MYO5A: variants seen among roughly 807,000 people sequenced by gnomAD.
MYO5A encodes the protein unconventional myosin-Va.
A neutral mutation model predicts 249.7 loss-of-function variants in MYO5A; 98 were observed. The observed-to-expected ratio is 0.39, with a 90% CI of 0.33 to 0.46. The LOEUF (loss-of-function observed/expected upper bound fraction) is 0.46, where lower values mean the gene tolerates loss of function less well. MYO5A is among the 20% of genes least tolerant of loss of function. The pLI is 0.98. For missense variants in MYO5A, 1,696 were observed against 2,308.8 expected (o/e 0.73, Z 5.44); for synonymous variants, 778 against 810.6 (o/e 0.96, Z 0.68).
chr15:52,331,928 C>T, intron 34 of MYO5A: 1 of 899,900 alleles, frequency 1.1e-6, no homozygotes, highest in Non-Finnish European at 1.3e-6. Context: ...GTATGAAAGC[C>T]ACGGGACTAA....
chr15:52,515,268 C>A (rs933661581), intron 1 of MYO5A, among the ~76,000 whole-genome samples: 3 of 142,102 alleles, frequency 2.1e-5, no homozygotes, highest in African/African-American at 7.6e-5. Flanking sequence ...CAGAGCAAGA[C>A]CCTGTCTCAA....
chr15:52,329,599 C>G (rs1306356799), intron 35 of MYO5A, among the ~76,000 whole-genome samples: 1 of 151,838 alleles, frequency 6.6e-6, no homozygotes, highest in South Asian at 2.1e-4. Context: ...TTTTTTGTTT[C>G]TTCCCTATTA....
chr15:52,460,221 C>T (rs986649979), intron 1 of MYO5A, among the ~76,000 whole-genome samples: 1 of 151,954 alleles, frequency 6.6e-6, no homozygotes, highest in African/African-American at 2.4e-5. Context: ...CAGGCCGAGA[C>T]GCTCCTCACT....
Position 52,311,319 on chromosome 15 carries a change from T to A in MYO5A, c.*2377A>T, listed in dbSNP as rs138744827. On this transcript the variant is annotated 3_prime_UTR_variant, in exon 42 of 42. Transcript: ENST00000399233. ...GCTGAGGCGGACAGCCTGTACCACG[T>A]TGCATTTTCTTAGCAACTCCCCAAC... 1 of 152,188 alleles carries A rather than the reference T, an allele frequency of 6.6e-6. No individual in the cohort carries two copies. Among genetic ancestry groups the A allele is most frequent in the Non-Finnish European group, 1.5e-5 (1 of 68,038 alleles). 9.4% of individuals were successfully genotyped at this position (152,188 alleles called of 1,614,324 possible). A position where few individuals can be genotyped will look rare whatever the true frequency, so the allele number is the denominator to read the frequency against.
chr15:52,406,513 C>T (rs570368844), intron 8 of MYO5A, among the ~76,000 whole-genome samples: 3 of 152,202 alleles, frequency 2.0e-5, no homozygotes, highest in Non-Finnish European at 4.4e-5. Context: ...TGAGATTCTG[C>T]ATTTCTAGCA....
intron 28 of MYO5A, 134 bp downstream of exon 28, chr15:52,351,120 T>TA (rs2039927576): frequency 4.9e-6 from 4 of 809,024 alleles, no homozygotes; most frequent in East Asian, 2.7e-5. Flanking sequence ...GGGATTTTTT[T>TA]AAAAAAATAA....
At chr15:52,426,553 C>T (rs1167305579) in intron 3 of MYO5A, among the ~76,000 whole-genome samples, 1 of 152,164 alleles carries the variant, frequency 6.6e-6, no homozygotes, top group African/African-American at 2.4e-5. Flanking sequence ...GCCTAGACCT[C>T]CCAGGCTTAC....
At chr15:52,437,531 G>T (rs1289869274) in intron 1 of MYO5A, among the ~76,000 whole-genome samples, 1 of 147,678 alleles carries the variant, frequency 6.8e-6, no homozygotes, top group Non-Finnish European at 1.5e-5. Context: ...GGAGGTGGAG[G>T]TTGCAGTGAG....
intron 27 of MYO5A, 62 bp from the exon 28 acceptor site, chr15:52,351,543 A>C: frequency 6.8e-7 from 1 of 1,462,788 alleles, no homozygotes; most frequent in South Asian, 1.1e-5. Context: ...TGGATGCTCA[A>C]ACTTCTCCCA....
chr15:52,526,664 TA>T (rs2141679667), intron 1 of MYO5A, among the ~76,000 whole-genome samples: 1 of 152,326 alleles, frequency 6.6e-6, no homozygotes, highest in African/African-American at 2.4e-5. Context: ...CCTAACTTTT[TA>T]ATTTTTTTGT....
rs1176485040 is a variant in MYO5A at position 52,312,518 on chromosome 15, C to T, written c.*1178G>A. The T allele has an allele frequency of 2.0e-5, 3 of 152,170 alleles. No individual in the cohort carries two copies. The highest frequency in any genetic ancestry group is 6.6e-5 in the Admixed American group (1 of 15,264). The allele number at this position is 152,170 out of a possible 1,614,324, so 9.4% of individuals were successfully genotyped here. On this transcript the variant is annotated 3_prime_UTR_variant, in exon 42 of 42. Transcript: ENST00000399233. ...GATTACAGGCAAGTGCCACCACGCC[C>T]GGCTAATTTTTGTATTTTTAGTAGA...
At chr15:52,430,372 G>A (rs1034453845) in intron 2 of MYO5A, among the ~76,000 whole-genome samples, 2 of 152,182 alleles carry the variant, frequency 1.3e-5, no homozygotes, top group African/African-American at 4.8e-5. Flanking sequence ...TGAAATATTA[G>A]AGAAGACACT....
intron 26 of MYO5A, 102 bp from the exon 27 acceptor site, chr15:52,353,760 C>A (rs555547537): frequency 6.3e-7 from 1 of 1,598,532 alleles, no homozygotes; most frequent in Non-Finnish European, 8.5e-7. Flanking sequence ...GCCCTCACTA[C>A]TTTAACCAAG....
chr15:52,434,082 C>T (rs906646905), intron 1 of MYO5A, among the ~76,000 whole-genome samples: 1 of 151,408 alleles, frequency 6.6e-6, no homozygotes. Flanking sequence ...TCACTGCCAC[C>T]TCTGCCTCCC....
intron 38 of MYO5A, 122 bp from the exon 39 acceptor site, chr15:52,319,464 A>C: frequency 3.5e-5 from 39 of 1,113,200 alleles, no homozygotes; most frequent in Non-Finnish European, 5.0e-5. Context: ...ACGGTGGCTC[A>C]CATCTGTAAT....
At chr15:52,453,724 T>A (rs896743091) in intron 1 of MYO5A, among the ~76,000 whole-genome samples, 1 of 151,974 alleles carries the variant, frequency 6.6e-6, no homozygotes, top group East Asian at 1.9e-4. Context: ...ATTATAGAGG[T>A]TTTTTTTAAA....
chr15:52,375,362 G>A lies in MYO5A; in HGVS notation c.2519C>T (p.Ala840Val), dbSNP rs778874967. 6.2e-7 allele frequency: 1 copy of A among 1,614,098 alleles called. No homozygotes were observed. Among genetic ancestry groups the A allele is most frequent in the Non-Finnish European group, 8.5e-7 (1 of 1,179,960 alleles). ...VRRRYKIRRA[A>V]TIVLQSYLRG... ...CAAGTAAGACTGAAGAACGATAGTG[G>A]CAGCTCGTCTAATCTTGTACCTCCT... Residue 840 changes from alanine to valine, a missense_variant, in exon 20 of 42, where the codon GCC (alanine) becomes GTC (valine). Transcript: ENST00000399233.
chr15:52,350,317 T>C (rs1044620393), intron 28 of MYO5A, among the ~76,000 whole-genome samples: 8 of 152,218 alleles, frequency 5.3e-5, no homozygotes, highest in South Asian at 2.1e-4. Context: ...TAGTCAAACA[T>C]CTTGTTTTTA....
At chr15:52,492,676 A>T (rs1330683445) in intron 1 of MYO5A, among the ~76,000 whole-genome samples, 1 of 152,212 alleles carries the variant, frequency 6.6e-6, no homozygotes, top group African/African-American at 2.4e-5. Context: ...AAGGACAGCA[A>T]TCAGGCCTGC....
Sources: gnomAD v4.1 joint callset for allele counts (sites outside exome capture counted in the v4.1 genomes callset) on GRCh38, gnomAD v4.1.1 for gene constraint, MANE v1.5 for transcripts, NCBI Gene and HGNC (gene_info 2026-07-23, HGNC 2026-07-21) for gene names.